Variants in RYR2 observed in about 807,000 individuals in gnomAD.
The protein encoded by RYR2 is ryanodine receptor 2, also known as cardiac muscle ryanodine receptor-calcium release channel.
In RYR2, 227 loss-of-function variants were observed where a neutral mutation model predicts 601.1. The ratio of observed to expected loss-of-function variants is 0.38; its 90% confidence interval spans 0.34 to 0.42. The LOEUF (loss-of-function observed/expected upper bound fraction) is 0.42. Ranked by LOEUF, RYR2 falls within the 10% of genes least tolerant of loss-of-function variation. RYR2 has a pLI of 1.00. For synonymous variants in RYR2, 2,223 were observed against 2,175.1 expected (o/e 1.02, Z -0.61); for missense variants, 4,646 against 6,156.5 (o/e 0.75, Z 8.21).
intron 80 of RYR2, among the ~76,000 whole-genome samples, chr1:237,749,453 A>T (rs1404116873): frequency 6.6e-6 from 1 of 151,896 alleles, no homozygotes; most frequent in East Asian, 1.9e-4. Flanking sequence ...TATTATTATT[A>T]TTAATCAATT....
Position 237,591,768 on chromosome 1 carries a change from A to G in RYR2, c.4190A>G (p.Tyr1397Cys), listed in dbSNP as rs1318973952. The G allele has an allele frequency of 4.3e-6, 7 of 1,613,398 alleles. No homozygotes were observed. The highest frequency in any genetic ancestry group is 5.1e-6 in the Non-Finnish European group (6 of 1,179,662). Residue 1397 changes from tyrosine (Y) to cysteine (C), a missense_variant, in exon 32 of 105, where the codon TAC becomes TGC. Tyr to Cys is a radical substitution (Grantham distance 194, BLOSUM62 -2). Transcript: ENST00000366574. ...TTGCTTAGAAGAACAAAGCCAGATT[A>G]CAGCACAAGCCATTCTGCAAGACTC... ...RFLLRRTKPDYSTSHSARLTE... is the reference protein window; with the variant it reads ...RFLLRRTKPDCSTSHSARLTE...
chr1:237,112,818 C>T (rs1379406095), intron 1 of RYR2, among the ~76,000 whole-genome samples: 2 of 152,096 alleles, frequency 1.3e-5, no homozygotes, highest in African/African-American at 2.4e-5. Flanking sequence ...TTTCTGGCTC[C>T]TATTTGGTTT....
At chr1:237,407,386 A>G (rs1248151531) in intron 10 of RYR2, among the ~76,000 whole-genome samples, 1 of 152,202 alleles carries the variant, frequency 6.6e-6, no homozygotes. Flanking sequence ...TGTCTTCCAA[A>G]GTGGCTGTAT....
Position 237,614,606 on chromosome 1 carries a change from T to C in RYR2, c.5478T>C (p.Tyr1826=), listed in dbSNP as rs1264479029. ...TTGTACCTCTCATCAAGCTTTTCTA[T>C]ACCCTGCTGATCATGGGCATCTTTC... ...FLFVPLIKLF[Y]TLLIMGIFHN... The change falls in exon 37 of 105, where the codon TAT becomes TAC. Residue 1826 remains tyrosine, a synonymous_variant. Coordinates refer to ENST00000366574, the MANE Select transcript of RYR2 (RefSeq NM_001035.3). This position sits in a 1 kb window ranked among gnomAD's most constrained non-coding sequence, Gnocchi z 4.3. The C allele has an allele frequency of 3.1e-6, 5 of 1,614,026 alleles. No individual in the cohort carries two copies. Among genetic ancestry groups the C allele is most frequent in the Non-Finnish European group, 2.5e-6 (3 of 1,179,894 alleles).
At chr1:237,145,178 CCTG>C (rs1053640951) in intron 1 of RYR2, among the ~76,000 whole-genome samples, 113 of 151,598 alleles carry the variant, frequency 7.5e-4, no homozygotes, top group African/African-American at 2.6e-3. Flanking sequence ...ATGTAACAAA[CCTG>C]CACGTTTTGC....
At chr1:237,617,869 C>A in intron 38 of RYR2, among the ~76,000 whole-genome samples, 1 of 152,300 alleles carries the variant, frequency 6.6e-6, no homozygotes, top group African/African-American at 2.4e-5. Context: ...AAACACATGT[C>A]TCTTCCACCT....
chr1:237,628,529 G>A (rs951550239), intron 41 of RYR2, among the ~76,000 whole-genome samples: 1 of 151,846 alleles, frequency 6.6e-6, no homozygotes, highest in Non-Finnish European at 1.5e-5. Flanking sequence ...TTTCATCCAT[G>A]TCCCTACAAA....
intron 24 of RYR2, among the ~76,000 whole-genome samples, chr1:237,528,433 AT>A (rs1404904306): frequency 6.6e-6 from 1 of 152,190 alleles, no homozygotes; most frequent in African/African-American, 2.4e-5. Flanking sequence ...CCTGGAACAT[AT>A]CAGCCATGGA....
chr1:237,274,631 G>A (rs532023661), intron 2 of RYR2, among the ~76,000 whole-genome samples: 2 of 152,240 alleles, frequency 1.3e-5, no homozygotes, highest in South Asian at 2.1e-4. Flanking sequence ...TAAGTGTACA[G>A]CGTTTATAAA....
intron 1 of RYR2, among the ~76,000 whole-genome samples, chr1:237,147,879 G>T (rs1158961960): frequency 6.6e-6 from 1 of 152,230 alleles, no homozygotes; most frequent in East Asian, 1.9e-4. Flanking sequence ...AGTTAGTGAT[G>T]GGATGTTGGC....
intron 7 of RYR2, among the ~76,000 whole-genome samples, chr1:237,375,522 A>G (rs972695625): frequency 6.6e-6 from 1 of 152,166 alleles, no homozygotes; most frequent in Non-Finnish European, 1.5e-5. Flanking sequence ...AGATCAAGCT[A>G]TCCTCTCACT....
chr1:237,548,318 T>A, intron 25 of RYR2, 113 bp from the exon 26 acceptor site: 1 of 1,063,628 alleles, frequency 9.4e-7, no homozygotes, highest in Non-Finnish European at 1.4e-6. Context: ...CACCACTGGT[T>A]ACCACTGTGG....
chr1:237,818,067 G>A lies in RYR2; in HGVS notation c.14434-969G>A, dbSNP rs150333141. Among the ~76,000 whole-genome samples, 1,132 of 152,294 alleles carry A rather than the reference G, an allele frequency of 7.4e-3. 8 individuals are homozygous for A. Among genetic ancestry groups the A allele is most frequent in the Non-Finnish European group, 0.012 (835 of 68,026 alleles). Reference sequence around the variant, plus strand: ...AGGAGGTATGGGGAGAGCGGAGAGAGCAGAGAGGGAAGTTTTTGGGAAAGC... The same window carrying A: ...AGGAGGTATGGGGAGAGCGGAGAGAACAGAGAGGGAAGTTTTTGGGAAAGC... On this transcript the variant is annotated intron_variant, in intron 100 of 104. Coordinates refer to ENST00000366574, the MANE Select transcript of RYR2 (RefSeq NM_001035.3).
At chr1:237,760,182 A>G (rs1236761355) in intron 83 of RYR2, among the ~76,000 whole-genome samples, 2 of 150,598 alleles carry the variant, frequency 1.3e-5, no homozygotes, top group African/African-American at 4.9e-5. Context: ...CCATCTCTAC[A>G]AAAAGATTAA....
Position 237,610,901 on chromosome 1 carries a change from T to C in RYR2, c.4823T>C (p.Val1608Ala). 6.2e-7 allele frequency: 1 copy of C among 1,613,580 alleles called. No individual in the cohort carries two copies. The highest frequency in any genetic ancestry group is 1.1e-5 in the South Asian group (1 of 90,934). ...CCCAACCAGTTTTTGAAGGTAGATG[T>C]GTCTCGAATAAGTGAACGCCAAGGC... The part of the protein sequence containing the change: ...RMPNQFLKVD[V>A]SRISERQGWL... The change falls in exon 36 of 105, where the codon GTG becomes GCG. Residue 1608 changes from valine to alanine, a missense_variant. By Grantham distance (64) the Val-to-Ala change is moderately conservative. Coordinates refer to ENST00000366574, the MANE Select transcript of RYR2 (RefSeq NM_001035.3). This position sits in a 1 kb window ranked among gnomAD's most constrained non-coding sequence, Gnocchi z 4.9.
intron 1 of RYR2, among the ~76,000 whole-genome samples, chr1:237,176,248 A>T (rs1278358821): frequency 9.0e-5 from 12 of 133,026 alleles, no homozygotes; most frequent in African/African-American, 3.1e-4. Context: ...TAATGAAAAA[A>T]ATATATATAT....
At chr1:237,232,416 T>A (rs956830174) in intron 1 of RYR2, among the ~76,000 whole-genome samples, 9 of 151,832 alleles carry the variant, frequency 5.9e-5, no homozygotes, top group Admixed American at 5.2e-4. Flanking sequence ...CATGGGGGAG[T>A]GGAAGTTTCT....
At chr1:237,346,338 C>T (rs190616317) in intron 3 of RYR2, among the ~76,000 whole-genome samples, 28 of 141,042 alleles carry the variant, frequency 2.0e-4, no homozygotes, top group East Asian at 1.6e-3. Context: ...CACTATACTC[C>T]GGCCTGGGCA....
intron 1 of RYR2, among the ~76,000 whole-genome samples, chr1:237,263,736 C>G (rs1326917660): frequency 6.6e-6 from 1 of 152,260 alleles, no homozygotes; most frequent in East Asian, 1.9e-4. Flanking sequence ...TAGAGGTCAT[C>G]TATGTATCTA....
Sources: gnomAD v4.1 joint callset for allele counts (sites outside exome capture counted in the v4.1 genomes callset) on GRCh38, gnomAD v4.1.1 for gene constraint, Gnocchi (gnomAD v3.1) non-coding constraint, MANE v1.5 for transcripts, NCBI Gene and HGNC (gene_info 2026-07-23, HGNC 2026-07-21) for gene names.